The following TRERF1 variants were observed in gnomAD, a reference collection of about 807,000 sequenced individuals.
TRERF1 encodes transcriptional regulating factor 1, also known as transcriptional-regulating factor 1.
TRERF1 carries 27 observed loss-of-function variants against 122.9 expected under a neutral mutation model. That is an observed-to-expected ratio of 0.22 (90% CI 0.16 to 0.30). The LOEUF is 0.30. TRERF1 is among the 10% of genes least tolerant of loss of function. The pLI is 1.00. For missense variants in TRERF1, 1,248 were observed against 1,560.3 expected (o/e 0.80, Z 3.37); for synonymous variants, 636 against 641.7 (o/e 0.99, Z 0.13).
intron 2 of TRERF1, among the ~76,000 whole-genome samples, chr6:42,416,904 T>G (rs1019137780): frequency 2.0e-5 from 3 of 152,158 alleles, no homozygotes; most frequent in African/African-American, 4.8e-5. Flanking sequence ...TTGTGTGTGT[T>G]TTTTTTAAGA....
At chr6:42,375,277 G>A (rs373840434) in intron 2 of TRERF1, among the ~76,000 whole-genome samples, 80 of 152,284 alleles carry the variant, frequency 5.3e-4, no homozygotes, top group Middle Eastern at 3.4e-3. Flanking sequence ...ATGCAAGCCC[G>A]AAATCCAAGA....
chr6:42,290,685 GA>G (rs888638860), intron 4 of TRERF1, among the ~76,000 whole-genome samples: 7 of 121,278 alleles, frequency 5.8e-5, no homozygotes, highest in African/African-American at 1.2e-4. Context: ...AGAGAAGAAG[GA>G]AAAAAAAAGC....
intron 2 of TRERF1, among the ~76,000 whole-genome samples, chr6:42,378,466 C>T (rs1775303496): frequency 6.6e-6 from 1 of 151,894 alleles, no homozygotes; most frequent in African/African-American, 2.4e-5. Context: ...TAAACTGTCA[C>T]CTTTATTTTC....
chr6:42,383,688 G>A (rs530538630), intron 2 of TRERF1, among the ~76,000 whole-genome samples: 1 of 152,192 alleles, frequency 6.6e-6, no homozygotes, highest in East Asian at 1.9e-4. Flanking sequence ...ACTCACCAAA[G>A]CCTCATTTGA....
chr6:42,270,207 A>G (rs976228484), intron 4 of TRERF1, among the ~76,000 whole-genome samples: 8 of 151,910 alleles, frequency 5.3e-5, no homozygotes, highest in Non-Finnish European at 7.4e-5. Context: ...GTGTGTGTGT[A>G]TATATATATA....
At chr6:42,288,233 C>T (rs1783613830) in intron 4 of TRERF1, among the ~76,000 whole-genome samples, 1 of 151,980 alleles carries the variant, frequency 6.6e-6, no homozygotes, top group Middle Eastern at 3.4e-3. Flanking sequence ...GCATGTCAGC[C>T]AGAGACAAGT....
At chr6:42,437,447 T>C (rs1176049298) in intron 2 of TRERF1, among the ~76,000 whole-genome samples, 2 of 152,132 alleles carry the variant, frequency 1.3e-5, no homozygotes, top group African/African-American at 2.4e-5. Flanking sequence ...CAAAGCACTT[T>C]TGCATTTTTT....
intron 7 of TRERF1, 140 bp downstream of exon 7, chr6:42,264,564 A>G: frequency 3.7e-6 from 5 of 1,360,888 alleles, no homozygotes; most frequent in Non-Finnish European, 4.9e-6. Context: ...TCCCAGCGCC[A>G]AAGCCTAAGC....
intron 2 of TRERF1, among the ~76,000 whole-genome samples, chr6:42,375,475 G>A (rs1354995120): frequency 6.6e-6 from 1 of 152,228 alleles, no homozygotes; most frequent in African/African-American, 2.4e-5. Flanking sequence ...CTCTCTTGCT[G>A]ATTTCGCTGC....
At chr6:42,347,770 A>T (rs746986952) in intron 3 of TRERF1, among the ~76,000 whole-genome samples, 6 of 152,254 alleles carry the variant, frequency 3.9e-5, no homozygotes, top group Non-Finnish European at 7.3e-5. Context: ...GCAATTCGCA[A>T]ACCACCAGGT....
At chr6:42,313,164 T>C (rs1761950312) in intron 3 of TRERF1, among the ~76,000 whole-genome samples, 2 of 152,198 alleles carry the variant, frequency 1.3e-5, no homozygotes, top group East Asian at 1.9e-4. Flanking sequence ...GACACCCACT[T>C]GTGACCCTGA....
At chr6:42,439,336 T>C (rs897221342) in intron 2 of TRERF1, among the ~76,000 whole-genome samples, 1 of 152,108 alleles carries the variant, frequency 6.6e-6, no homozygotes, top group African/African-American at 2.4e-5. Context: ...TCCAGCCTCA[T>C]CATCTGGCAA....
intron 3 of TRERF1, among the ~76,000 whole-genome samples, chr6:42,356,728 C>T (rs1286553622): frequency 6.6e-6 from 1 of 152,034 alleles, no homozygotes; most frequent in Non-Finnish European, 1.5e-5. Flanking sequence ...GTGCCTGCCA[C>T]CACACCTGGC....
intron 2 of TRERF1, among the ~76,000 whole-genome samples, chr6:42,431,282 C>T (rs191046015): frequency 4.9e-4 from 74 of 150,260 alleles, no homozygotes; most frequent in African/African-American, 1.8e-3. Flanking sequence ...AGGAGGAAAG[C>T]GAGAGATGGA....
In TRERF1 at chr6:42,259,606, A is replaced by G. The variant is rs147004250; in HGVS notation, c.2002T>C (p.Ser668Pro). ...GAGGCAGCGGGGTTCGGGTTGTAGG[A>G]GGGCGGCGGCGGGATGAAGAGAGGT... The change falls in exon 9 of 18, where the codon TCC becomes CCC. Residue 668 changes from serine (S) to proline (P), a missense_variant. By Grantham distance (74) the Ser-to-Pro change is moderately conservative (BLOSUM62 -1). This residue lies in a region of TRERF1 where 946 missense variants were observed against 1,073.0 expected (regional missense o/e 0.88). Transcript: ENST00000372922. The surrounding 1 kb of genome is among the most constrained non-coding windows in gnomAD (Gnocchi z 4.9). The G allele has an allele frequency of 6.2e-7, 1 of 1,613,764 alleles. No homozygotes were observed. The highest frequency in any genetic ancestry group is 1.3e-5 in the African/African-American group (1 of 74,982).
At chr6:42,320,563 T>G (rs879852230) in intron 3 of TRERF1, among the ~76,000 whole-genome samples, 32 of 138,546 alleles carry the variant, frequency 2.3e-4, no homozygotes, top group Non-Finnish European at 4.3e-4. Context: ...TGGAGTGCAG[T>G]GGCATGATCT....
chr6:42,439,657 G>A (rs1019937311), intron 2 of TRERF1, among the ~76,000 whole-genome samples: 19 of 152,144 alleles, frequency 1.2e-4, no homozygotes, highest in African/African-American at 4.6e-4. Flanking sequence ...AGGGCACCCT[G>A]GCCCATTCCG....
At chr6:42,395,528 T>C (rs1310648755) in intron 2 of TRERF1, among the ~76,000 whole-genome samples, 1 of 152,120 alleles carries the variant, frequency 6.6e-6, no homozygotes, top group Non-Finnish European at 1.5e-5. Flanking sequence ...CCACTCGGAC[T>C]CAACAAACTC....
intron 8 of TRERF1, among the ~76,000 whole-genome samples, chr6:42,262,474 A>G (rs1582651954): frequency 3.1e-4 from 1 of 3,186 alleles, no homozygotes. Context: ...GAGGAGAGAG[A>G]GAGAGAGAGA....
Sources: allele counts gnomAD v4.1 joint callset (sites outside exome capture counted in the v4.1 genomes callset), GRCh38; gene constraint gnomAD v4.1.1; regional missense constraint gnomAD v4.1.1; non-coding constraint Gnocchi (gnomAD v3.1); transcripts MANE v1.5; gene names NCBI Gene and HGNC (gene_info 2026-07-23, HGNC 2026-07-21).